Variants in NTM observed in about 807,000 individuals in gnomAD.
NTM encodes the protein IgLON family member 2.
A neutral mutation model predicts 42.1 loss-of-function variants in NTM; 13 were observed. The ratio of observed to expected loss-of-function variants is 0.31; its 90% CI spans 0.20 to 0.49. The LOEUF (loss-of-function observed/expected upper bound fraction) is 0.49. Ranked by LOEUF, NTM falls within the 20% of genes least tolerant of loss-of-function variation. The pLI is 0.99. For synonymous variants in NTM, 187 were observed against 179.2 expected, an observed-to-expected ratio of 1.04 and a Z score of -0.35; for missense variants, 373 against 452.8, an observed-to-expected ratio of 0.82 and a Z score of 1.60.
intron 1 of NTM, among the ~76,000 whole-genome samples, chr11:131,507,929 A>C (rs2047701347): frequency 6.6e-6 from 1 of 152,258 alleles, no homozygotes; most frequent in Middle Eastern, 3.4e-3. Context: ...AACCATAAAA[A>C]CCCTAGAAGA....
chr11:132,103,482 G>A (rs932848480), intron 2 of NTM, among the ~76,000 whole-genome samples: 3 of 152,130 alleles, frequency 2.0e-5, no homozygotes, highest in Non-Finnish European at 4.4e-5. Context: ...CAGTTTGTCT[G>A]GATAATTTAT....
chr11:132,072,917 G>T (rs973897651), intron 2 of NTM, among the ~76,000 whole-genome samples: 1 of 152,182 alleles, frequency 6.6e-6, no homozygotes, highest in Admixed American at 6.5e-5. Context: ...TCTTCTGAGA[G>T]AATAAGCTTT....
At chr11:132,099,479 C>G (rs549971598) in intron 2 of NTM, among the ~76,000 whole-genome samples, 46 of 152,046 alleles carry the variant, frequency 3.0e-4, no homozygotes, top group Non-Finnish European at 5.6e-4. Flanking sequence ...ACTACAGATT[C>G]ACAACACAAA....
intron 3 of NTM, among the ~76,000 whole-genome samples, chr11:132,198,650 G>A (rs995410780): frequency 1.3e-5 from 2 of 152,164 alleles, no homozygotes; most frequent in African/African-American, 2.4e-5. Context: ...CTTGGCTCCC[G>A]AGTCTGAGTT....
At chr11:131,882,648 G>A (rs1435329741) in intron 1 of NTM, among the ~76,000 whole-genome samples, 2 of 152,128 alleles carry the variant, frequency 1.3e-5, no homozygotes, top group Non-Finnish European at 2.9e-5. Flanking sequence ...TTTGGACTGA[G>A]CCTTCCATGA....
chr11:132,175,369 C>T (rs1344383858), intron 3 of NTM, among the ~76,000 whole-genome samples: 1 of 152,046 alleles, frequency 6.6e-6, no homozygotes, highest in African/African-American at 2.4e-5. Context: ...CACGCTGCAC[C>T]AGCTCCATAA....
At chr11:131,478,481 C>A (rs1953197433) in intron 1 of NTM, among the ~76,000 whole-genome samples, 2 of 152,132 alleles carry the variant, frequency 1.3e-5, no homozygotes, top group Non-Finnish European at 2.9e-5. Context: ...CTTTATCTGC[C>A]TCATCCACAT....
intron 1 of NTM, among the ~76,000 whole-genome samples, chr11:131,728,207 C>T (rs756472705): frequency 6.6e-6 from 1 of 152,186 alleles, no homozygotes; most frequent in Admixed American, 6.5e-5. Context: ...GAGATAGAGT[C>T]AGATCCTACC....
chr11:131,999,131 G>A (rs968006120), intron 2 of NTM, among the ~76,000 whole-genome samples: 4 of 152,134 alleles, frequency 2.6e-5, no homozygotes, highest in African/African-American at 9.7e-5. Context: ...TCCTTCGCAG[G>A]TGGAGAAAGC....
At chr11:131,818,921 G>C (rs754026738) in intron 1 of NTM, among the ~76,000 whole-genome samples, 140 of 152,292 alleles carry the variant, frequency 9.2e-4, no homozygotes, top group Admixed American at 1.2e-3. Flanking sequence ...TGTTCTGCAT[G>C]AGTTCTGGGA....
In NTM at chr11:131,493,877, CT is replaced by C. The variant is rs1427917981; in HGVS notation, c.82+122990del. ...CATGTTCACAGCATCCACAACTGAG[CT>C]GCACCTCCATAGCCAGCCTATGTTT... is the stretch of plus-strand genomic sequence containing the variant. On this transcript the variant is annotated intron_variant, in intron 1 of 8. Coordinates refer to ENST00000683400, the MANE Select transcript of NTM (RefSeq NM_001352005.2). Among the ~76,000 whole-genome samples the C allele has an allele frequency of 3.9e-5, 6 of 152,328 alleles. No homozygotes were observed. The East Asian group carries it at 1.2e-3, about 29-fold the overall frequency.
chr11:131,980,543 A>G (rs2065067118), intron 2 of NTM, among the ~76,000 whole-genome samples: 1 of 152,238 alleles, frequency 6.6e-6, no homozygotes, highest in African/African-American at 2.4e-5. Context: ...AAATAAATGA[A>G]CAATTACCTG....
At chr11:132,190,736 T>TAAAAAA (rs35431586) in intron 3 of NTM, among the ~76,000 whole-genome samples, 19 of 132,730 alleles carry the variant, frequency 1.4e-4, no homozygotes, top group African/African-American at 4.9e-4. Context: ...GAATCCATCT[T>TAAAAAA]AAAAAAAAAA....
chr11:131,706,600 C>G (rs1264572114), intron 1 of NTM, among the ~76,000 whole-genome samples: 2 of 151,954 alleles, frequency 1.3e-5, no homozygotes, highest in South Asian at 2.1e-4. Context: ...TCAATCAAGT[C>G]TTAAACAACT....
At chr11:131,938,553 A>G (rs780873735) in intron 2 of NTM, among the ~76,000 whole-genome samples, 9 of 152,190 alleles carry the variant, frequency 5.9e-5, no homozygotes, top group Non-Finnish European at 8.8e-5. Context: ...TCTGCGTACA[A>G]TGGAAAGGAG....
In NTM at chr11:131,521,383, C is replaced by CT. The variant is rs773233050; in HGVS notation, c.82+150534dup. On this transcript the variant is annotated intron_variant, in intron 1 of 8. Transcript: ENST00000683400. ...AATGCAGAAGAAGCAAGGTGCCAGTCTTTTTTTTTTTTTTTTTTTTTTTTT... is the reference window on the plus strand; with the variant it reads ...AATGCAGAAGAAGCAAGGTGCCAGTCTTTTTTTTTTTTTTTTTTTTTTTTTT... 3.8e-3 allele frequency among the ~76,000 whole-genome samples: 174 copies of CT among 45,720 alleles called. 67 individuals are homozygous for CT. The highest frequency in any genetic ancestry group is 5.9e-3 in the East Asian group (9 of 1,520). 30.0% of individuals were successfully genotyped at this position (45,720 alleles called of 152,430 possible). A position where few individuals can be genotyped will look rare whatever the true frequency, so the allele number is the denominator to read the frequency against.
chr11:131,745,241 A>G (rs2081664836), intron 1 of NTM, among the ~76,000 whole-genome samples: 1 of 152,168 alleles, frequency 6.6e-6, no homozygotes, highest in Admixed American at 6.5e-5. Flanking sequence ...AGGGATTCCT[A>G]AAGAGAACAG....
chr11:132,154,446 G>A (rs778817377), intron 3 of NTM, among the ~76,000 whole-genome samples: 8 of 152,150 alleles, frequency 5.3e-5, no homozygotes, highest in African/African-American at 9.7e-5. Context: ...CTACCAATAC[G>A]TCAATTTTCA....
At chr11:131,559,434 T>C (rs2055919969) in intron 1 of NTM, among the ~76,000 whole-genome samples, 1 of 152,242 alleles carries the variant, frequency 6.6e-6, no homozygotes, top group African/African-American at 2.4e-5. Flanking sequence ...CACTCCTTTT[T>C]TCCCATTCAC....
Sources: gnomAD v4.1 joint callset for allele counts (sites outside exome capture counted in the v4.1 genomes callset) on GRCh38, gnomAD v4.1.1 for gene constraint, MANE v1.5 for transcripts, NCBI Gene and HGNC (gene_info 2026-07-23, HGNC 2026-07-21) for gene names.